Variants in PRKDC observed in about 807,000 individuals in gnomAD.
The protein encoded by PRKDC is protein kinase, DNA-activated, catalytic subunit.
Under a neutral mutation model 486.9 loss-of-function variants are expected in PRKDC, and 82 were observed. The observed-to-expected ratio is 0.17, with a 90% CI of 0.14 to 0.20. PRKDC has a LOEUF of 0.20. Among genes scored for constraint, PRKDC ranks in the 10% least tolerant of loss-of-function variants. The pLI, the probability that PRKDC is intolerant of heterozygous loss-of-function variation, is 1.00. For synonymous variants in PRKDC, 1,895 were observed against 1,837.0 expected, an observed-to-expected ratio of 1.03 and a Z score of -0.81; for missense variants, 4,504 against 5,038.2, an observed-to-expected ratio of 0.89 and a Z score of 3.21.
chr8:47,820,918 C>A lies in PRKDC; in HGVS notation c.9137G>T (p.Arg3046Leu). The change falls in exon 66 of 86, where the codon CGC (arginine) becomes CTC (leucine). Residue 3046 changes from arginine to leucine, a missense_variant. Around this residue, in one of 6 missense-constraint regions of PRKDC, gnomAD observed 1,592 missense variants for 1,724.6 expected, o/e 0.92. Coordinates refer to ENST00000314191, the MANE Select transcript of PRKDC (RefSeq NM_006904.7). ...CTGGAGCAGCAGCTTCAGCTTGCTG[C>A]GGATCATGTAAGGTAGATATGTTTC... is the stretch of plus-strand genomic sequence containing the variant. ...YQETYLPYMIRSKLKLLLQGE... is the reference protein window; with the variant it reads ...YQETYLPYMILSKLKLLLQGE... 1 of 1,603,294 alleles carries A rather than the reference C, an allele frequency of 6.2e-7. No homozygotes were observed. The highest frequency in any genetic ancestry group is 1.7e-5 in the Admixed American group (1 of 59,746).
rs190573165 is a variant in PRKDC, at chr8:47,901,677, T to C, written c.3269+892A>G. ...TATGTGGCTAATTATTATCTATGTG[T>C]CCTTCTGAAATGTAACCCTCACGAA... On this transcript the variant is annotated intron_variant, in intron 27 of 85. Transcript: ENST00000314191. Among the ~76,000 whole-genome samples, 189 of 152,308 alleles carry C rather than the reference T, an allele frequency of 1.2e-3. 1 individual carries two copies. The highest frequency in any genetic ancestry group is 8.1e-4 in the Non-Finnish European group (55 of 68,028).
At chr8:47,839,896 C>T in intron 55 of PRKDC, 120 bp downstream of exon 55, 3 of 709,468 alleles carry the variant, frequency 4.2e-6, no homozygotes, top group Admixed American at 3.4e-5. Flanking sequence ...ATCAACTGAG[C>T]CCAGGAGGAG....
At chr8:47,862,629 C>A in intron 42 of PRKDC, 88 bp from the exon 43 acceptor site, 3 of 1,301,908 alleles carry the variant, frequency 2.3e-6, no homozygotes, top group Non-Finnish European at 3.1e-6. Flanking sequence ...GGACCTAATG[C>A]CATTCAGCCT....
Position 47,929,946 on chromosome 8 carries a change from T to C in PRKDC, c.1959A>G (p.Leu653=), listed in dbSNP as rs1355134500. Residue 653 remains leucine (L), a synonymous_variant, in exon 18 of 86, where the codon TTA becomes TTG. Transcript: ENST00000314191. The stretch of plus-strand genomic sequence containing the variant: ...GGGGCAACCTTGTAGATTGCAAAAT[T>C]AATTCATATGAAAATGAGTACACCC... ...EPWVYSFSYE[L]ILQSTRLPLI... 1 of 1,611,106 alleles carries C rather than the reference T, an allele frequency of 6.2e-7. No individual in the cohort carries two copies. The highest frequency in any genetic ancestry group is 8.5e-7 in the Non-Finnish European group (1 of 1,178,808).
In PRKDC at chr8:47,890,424, C is replaced by T. The variant is rs374445820; in HGVS notation, c.3904G>A (p.Ala1302Thr). The change falls in exon 32 of 86, where the codon GCC becomes ACC. Residue 1302 changes from alanine to threonine, a missense_variant. Physicochemically the swap from Ala to Thr is moderately conservative, Grantham distance 58. Coordinates refer to ENST00000314191, the MANE Select transcript of PRKDC (RefSeq NM_006904.7). ...TCTGCTGCTATAATGTCATGCATGG[C>T]AATGCTTTCTAAGAAGAAAGCCACT... ...KAVAFFLESI[A>T]MHDIIAAEKC... 7.5e-6 allele frequency: 12 copies of T among 1,594,940 alleles called. No homozygotes were observed. The highest frequency in any genetic ancestry group is 1.0e-5 in the Non-Finnish European group (12 of 1,169,814).
At chr8:47,811,176 T>C (rs1009742849) in intron 68 of PRKDC, among the ~76,000 whole-genome samples, 51 of 152,162 alleles carry the variant, frequency 3.4e-4, no homozygotes, top group African/African-American at 9.7e-4. Flanking sequence ...AAATCTTGAA[T>C]GCAGCCAGAA....
chr8:47,907,142 G>A (rs1262288092), intron 25 of PRKDC, among the ~76,000 whole-genome samples: 13 of 150,940 alleles, frequency 8.6e-5, no homozygotes, highest in African/African-American at 1.2e-4. Flanking sequence ...CCGGGTCCAC[G>A]CCATTCTCCT....
At chr8:47,807,380 G>A in intron 68 of PRKDC, 54 bp from the exon 69 acceptor site, 1 of 1,385,322 alleles carries the variant, frequency 7.2e-7, no homozygotes, top group Non-Finnish European at 9.6e-7. Flanking sequence ...GAAGCTGCTG[G>A]ATAGCAATTA....
chr8:47,803,237 A>T (rs1022309170), intron 70 of PRKDC, 69 bp downstream of exon 70: 16 of 1,431,122 alleles, frequency 1.1e-5, no homozygotes, highest in African/African-American at 2.9e-5. Context: ...AGCACAAAGA[A>T]GAGGAAGATA....
In PRKDC at chr8:47,836,330, A is replaced by C; in HGVS notation, c.7951+8T>G. ...GTATACATGGCCAGCGGGCAGGGTC[A>C]CTGTTACCTGCAGTCTGTGTCAGTG... is the stretch of plus-strand genomic sequence containing the variant. On this transcript the variant is annotated splice_region_variant and intron_variant, in intron 58 of 85. Coordinates refer to ENST00000314191, the MANE Select transcript of PRKDC (RefSeq NM_006904.7). 1.3e-6 allele frequency: 2 copies of C among 1,554,922 alleles called. No homozygotes were observed. The highest frequency in any genetic ancestry group is 1.7e-6 in the Non-Finnish European group (2 of 1,147,664).
Position 47,862,465 on chromosome 8 carries a change from C to A in PRKDC, c.5827G>T (p.Ala1943Ser), listed in dbSNP as rs754521244. 1 of 1,613,932 alleles carries A rather than the reference C, an allele frequency of 6.2e-7. No homozygotes were observed. Among genetic ancestry groups the A allele is most frequent in the Non-Finnish European group, 8.5e-7 (1 of 1,179,822 alleles). Residue 1943 changes from alanine (A) to serine (S), a missense_variant, in exon 43 of 86, where the codon GCA becomes TCA. Physicochemically the swap from Ala to Ser is moderately conservative, Grantham distance 99. Around this residue, in one of 6 missense-constraint regions of PRKDC, gnomAD observed 80 missense variants for 132.3 expected, o/e 0.60. Coordinates refer to ENST00000314191, the MANE Select transcript of PRKDC (RefSeq NM_006904.7). ...ACAGATATGGCGCAGTTGTATGCTG[C>A]ACAATGGTAAAGTCTTCTCCTCTCC... ...LLERRRLYHC[A>S]AYNCAISVIC...
intron 58 of PRKDC, among the ~76,000 whole-genome samples, chr8:47,835,460 A>C (rs2087993502): frequency 6.6e-6 from 1 of 151,766 alleles, no homozygotes; most frequent in African/African-American, 2.4e-5. Context: ...CTACTAAAAT[A>C]CAAAAATTTA....
intron 19 of PRKDC, among the ~76,000 whole-genome samples, chr8:47,928,795 T>A (rs531178068): frequency 1.3e-5 from 2 of 152,236 alleles, no homozygotes; most frequent in African/African-American, 4.8e-5. Context: ...TCAGTTCTCC[T>A]GCCTCAGCCT....
At chr8:47,795,190 CTTT>C (rs34711098) in intron 73 of PRKDC, among the ~76,000 whole-genome samples, 2 of 105,308 alleles carry the variant, frequency 1.9e-5, no homozygotes, top group East Asian at 6.0e-4. Context: ...CTGGCCAACT[CTTT>C]TTTTTTTTTT....
At chr8:47,788,758 G>A (rs1321409206) in intron 76 of PRKDC, 148 bp downstream of exon 76, 3 of 821,560 alleles carry the variant, frequency 3.7e-6, no homozygotes, top group Non-Finnish European at 5.0e-6. Context: ...CAGAAAGCAT[G>A]AGACCTAAAG....
chr8:47,957,076 G>A (rs2090715745), intron 3 of PRKDC, 95 bp downstream of exon 3: 1 of 738,334 alleles, frequency 1.4e-6, no homozygotes, highest in African/African-American at 1.8e-5. Context: ...AAAGGAAAAT[G>A]TTTTATCTTT....
intron 21 of PRKDC, among the ~76,000 whole-genome samples, chr8:47,920,949 C>T (rs1343127645): frequency 1.3e-5 from 2 of 152,072 alleles, no homozygotes; most frequent in Non-Finnish European, 2.9e-5. Context: ...TCCCATACAA[C>T]TTTTAAGATT....
intron 70 of PRKDC, among the ~76,000 whole-genome samples, chr8:47,802,204 G>C (rs1204807936): frequency 6.6e-6 from 1 of 152,114 alleles, no homozygotes; most frequent in Non-Finnish European, 1.5e-5. Flanking sequence ...AGACTCCCCA[G>C]TAGCTGGGAC....
At chr8:47,923,674 T>C (rs1350992566) in intron 21 of PRKDC, among the ~76,000 whole-genome samples, 2 of 152,242 alleles carry the variant, frequency 1.3e-5, no homozygotes, top group Non-Finnish European at 2.9e-5. Context: ...AAAAGTGCCA[T>C]GCTGGCTGTG....
Sources: allele counts gnomAD v4.1 joint callset (sites outside exome capture counted in the v4.1 genomes callset), GRCh38; gene constraint gnomAD v4.1.1; regional missense constraint gnomAD v4.1.1; transcripts MANE v1.5; gene names NCBI Gene and HGNC (gene_info 2026-07-23, HGNC 2026-07-21).